The following PIEZO1 variants were observed in gnomAD, a reference collection of about 807,000 sequenced individuals.
PIEZO1 encodes the protein piezo type mechanosensitive ion channel component 1 (Er blood group).
A neutral mutation model predicts 297.2 loss-of-function variants in PIEZO1; 296 were observed. The observed-to-expected ratio is 1.00, with a 90% CI of 0.91 to 1.10. The LOEUF (loss-of-function observed/expected upper bound fraction) is 1.10. Among genes scored for constraint, PIEZO1 ranks in the 50% least tolerant of loss-of-function variants. The pLI, the probability that PIEZO1 is intolerant of heterozygous loss-of-function variation, is 0.00. For missense variants in PIEZO1, 5,018 were observed against 3,455.5 expected, an observed-to-expected ratio of 1.45 and a Z score of -11.34; for synonymous variants, 2,427 against 1,507.5, an observed-to-expected ratio of 1.61 and a Z score of -14.13.
chr16:88,777,467 G>A (rs1272142647), intron 1 of PIEZO1, among the ~76,000 whole-genome samples: 3 of 151,814 alleles, frequency 2.0e-5, no homozygotes, highest in East Asian at 1.9e-4. Flanking sequence ...TCACTGGCCC[G>A]CAGACACATT....
At chr16:88,765,744 G>T (rs978837297) in intron 1 of PIEZO1, among the ~76,000 whole-genome samples, 1 of 148,858 alleles carries the variant, frequency 6.7e-6, no homozygotes, top group Non-Finnish European at 1.5e-5. Flanking sequence ...GCACAATCTC[G>T]CGCACTACAA....
rs1911903286 is a variant in PIEZO1 at position 88,715,360 on chromosome 16, TAAAAC to T, written c.*240_*244del. On this transcript the variant is annotated 3_prime_UTR_variant, in exon 51 of 51. Transcript: ENST00000301015. ...GCCTCTGATTGTCCATTTGTATAAATAAAACATTTTTTAATTAAAAAAAAAACTCT... is the reference window on the plus strand; with the variant it reads ...GCCTCTGATTGTCCATTTGTATAAATATTTTTTAATTAAAAAAAAAACTCT... The T allele has an allele frequency of 8.1e-7, 1 of 1,232,668 alleles. No individual in the cohort carries two copies. 76.4% of individuals were successfully genotyped at this position (1,232,668 alleles called of 1,614,324 possible).
At chr16:88,774,056 C>A (rs147528344) in intron 1 of PIEZO1, among the ~76,000 whole-genome samples, 1,615 of 152,286 alleles carry the variant, frequency 0.011, 9 homozygotes, top group Middle Eastern at 0.024. Flanking sequence ...CTGTGCCCGG[C>A]GATAAGGTCT....
intron 1 of PIEZO1, among the ~76,000 whole-genome samples, chr16:88,776,217 G>C (rs1451644741): frequency 6.6e-6 from 1 of 152,234 alleles, no homozygotes; most frequent in African/African-American, 2.4e-5. Flanking sequence ...GGTGGATCAT[G>C]AGGTCAGGAG....
At chr16:88,733,195 G>A (rs549046966) in intron 19 of PIEZO1, 83 bp downstream of exon 19, 19 of 1,306,214 alleles carry the variant, frequency 1.5e-5, no homozygotes, top group African/African-American at 4.4e-5. Context: ...CCACTGCACT[G>A]AGGCAGCTGC....
intron 27 of PIEZO1, 28 bp downstream of exon 27, chr16:88,726,256 T>TCTGGG: frequency 6.5e-7 from 1 of 1,532,898 alleles, no homozygotes; most frequent in Admixed American, 2.0e-5. Context: ...AGACGGGAGC[T>TCTGGG]CTGGGCTGTG....
At chr16:88,758,639 G>A (rs1005531689) in intron 1 of PIEZO1, among the ~76,000 whole-genome samples, 1 of 152,242 alleles carries the variant, frequency 6.6e-6, no homozygotes, top group Admixed American at 6.5e-5. Flanking sequence ...CAAGCGGCAG[G>A]GGGTGCGGCA....
chr16:88,752,919 C>A (rs1300569738), intron 1 of PIEZO1, among the ~76,000 whole-genome samples: 1 of 151,872 alleles, frequency 6.6e-6, no homozygotes, highest in Non-Finnish European at 1.5e-5. Flanking sequence ...CATTCAATAC[C>A]AAGCAGGCCC....
chr16:88,743,930 AG>A, intron 2 of PIEZO1: 1 of 298,504 alleles, frequency 3.4e-6, no homozygotes, highest in South Asian at 2.8e-5. Context: ...CCAGGAAGGG[AG>A]GCTGCAGCCC....
At chr16:88,758,047 A>T (rs1311979925) in intron 1 of PIEZO1, among the ~76,000 whole-genome samples, 1 of 152,078 alleles carries the variant, frequency 6.6e-6, no homozygotes, top group African/African-American at 2.4e-5. Flanking sequence ...CTAGACGAAT[A>T]GGCCCTCCGG....
At chr16:88,722,149 C>A in intron 36 of PIEZO1, 69 bp downstream of exon 36, 3 of 1,521,884 alleles carry the variant, frequency 2.0e-6, no homozygotes, top group East Asian at 2.5e-5. Flanking sequence ...CACAGTCAGT[C>A]TCCTGCCCCT....
At chr16:88,750,321 G>A (rs1906323548) in intron 1 of PIEZO1, among the ~76,000 whole-genome samples, 1 of 152,258 alleles carries the variant, frequency 6.6e-6, no homozygotes, top group African/African-American at 2.4e-5. Flanking sequence ...GGGCGACAGA[G>A]CGAGACTCCA....
Position 88,727,078 on chromosome 16 carries a change from C to CT in PIEZO1, c.3415_3416insA (p.Arg1139GlnfsTer18), listed in dbSNP as rs1567666675. ...GTTGGGCACGGGGTTGGGCTCCCCCCGCAGCGGCTCCAGGCGGTCGGTGTT... is the reference window on the plus strand; with the variant it reads ...GTTGGGCACGGGGTTGGGCTCCCCCCTGCAGCGGCTCCAGGCGGTCGGTGTT... On this transcript the variant is annotated frameshift_variant, in exon 24 of 51. Coordinates refer to ENST00000301015, the MANE Select transcript of PIEZO1 (RefSeq NM_001142864.4). LOFTEE classifies it high-confidence loss of function. 6.5e-7 allele frequency: 1 copy of CT among 1,549,580 alleles called. No individual in the cohort carries two copies. The highest frequency in any genetic ancestry group is 8.7e-7 in the Non-Finnish European group (1 of 1,146,388).
At chr16:88,752,966 T>C (rs1310072728) in intron 1 of PIEZO1, among the ~76,000 whole-genome samples, 1 of 151,838 alleles carries the variant, frequency 6.6e-6, no homozygotes, top group African/African-American at 2.4e-5. Context: ...TCCGGGGACA[T>C]GGTGGACAGT....
At chr16:88,780,171 C>T (rs1675002276) in intron 1 of PIEZO1, among the ~76,000 whole-genome samples, 2 of 152,206 alleles carry the variant, frequency 1.3e-5, no homozygotes, top group Admixed American at 6.5e-5. Context: ...CTTCAGGTGC[C>T]TCGGCCAGCA....
intron 1 of PIEZO1, among the ~76,000 whole-genome samples, chr16:88,776,416 A>C (rs2142906406): frequency 6.6e-6 from 1 of 152,028 alleles, no homozygotes; most frequent in South Asian, 2.1e-4. Context: ...CCAGGGCGAC[A>C]GAGCGAGACT....
Position 88,737,617 on chromosome 16 carries a change from C to CTCGGTG in PIEZO1, c.1131_1136dup (p.Asp377_Thr378dup). ...GCTCGTGCACGATGCAGTTATCAGC[C>CTCGGTG]TCGGTGTCGGGTGCTGTGGGCACCA... On this transcript the variant is annotated inframe_insertion, in exon 10 of 51. Coordinates refer to ENST00000301015, the MANE Select transcript of PIEZO1 (RefSeq NM_001142864.4). 1 of 1,535,116 alleles carries CTCGGTG rather than the reference C, an allele frequency of 6.5e-7. No homozygotes were observed. The highest frequency in any genetic ancestry group is 1.2e-5 in the South Asian group (1 of 84,034).
intron 1 of PIEZO1, among the ~76,000 whole-genome samples, chr16:88,764,697 G>A (rs2142890149): frequency 6.6e-6 from 1 of 150,736 alleles, no homozygotes; most frequent in African/African-American, 2.4e-5. Context: ...ATCCCAGTGA[G>A]CTGGGATCGC....
intron 1 of PIEZO1, among the ~76,000 whole-genome samples, chr16:88,770,312 G>T (rs1907364434): frequency 1.3e-5 from 2 of 152,108 alleles, no homozygotes; most frequent in African/African-American, 4.8e-5. Flanking sequence ...CCATGACCCG[G>T]TCACACCTGC....
Sources: allele counts gnomAD v4.1 joint callset (sites outside exome capture counted in the v4.1 genomes callset), GRCh38; gene constraint gnomAD v4.1.1; transcripts MANE v1.5; gene names NCBI Gene and HGNC (gene_info 2026-07-23, HGNC 2026-07-21).